The following UBR4 variants were observed in gnomAD, a reference collection of about 807,000 sequenced individuals.
UBR4 encodes the protein E3 ubiquitin-protein ligase UBR4.
UBR4 carries 124 observed loss-of-function variants against 575.6 expected under a neutral mutation model. The ratio of observed to expected loss-of-function variants is 0.22; its 90% CI spans 0.19 to 0.25. UBR4 has a LOEUF of 0.25. UBR4 is among the 10% of genes least tolerant of loss of function. The probability of loss-of-function intolerance (pLI) is 1.00; values close to 1 mark genes in which losing one functional copy is unlikely to be tolerated. For synonymous variants in UBR4, 2,455 were observed against 2,473.7 expected, an observed-to-expected ratio of 0.99 and a Z score of 0.22; for missense variants, 4,818 against 6,478.8, an observed-to-expected ratio of 0.74 and a Z score of 8.80.
chr1:19,077,875 CGGA>C (rs1449192664), intron 104 of UBR4, 98 bp downstream of exon 104: 9 of 1,596,944 alleles, frequency 5.6e-6, no homozygotes, highest in Non-Finnish European at 6.8e-6. Flanking sequence ...CCAGGCCCAG[CGGA>C]GGAGCAGCCA....
intron 1 of UBR4, among the ~76,000 whole-genome samples, chr1:19,202,622 G>A (rs1333035341): frequency 2.0e-5 from 3 of 151,984 alleles, no homozygotes; most frequent in Admixed American, 6.5e-5. Flanking sequence ...AGACTAAAGC[G>A]AGATCACAAA....
At chr1:19,134,599 T>C (rs1361901128) in intron 60 of UBR4, among the ~76,000 whole-genome samples, 3 of 152,310 alleles carry the variant, frequency 2.0e-5, no homozygotes, top group Middle Eastern at 3.4e-3. Context: ...CAAGATGTTC[T>C]GAAGGCAACT....
Position 19,197,934 on chromosome 1 carries a change from T to A in UBR4, c.751+13A>T. 1.2e-6 allele frequency: 2 copies of A among 1,613,984 alleles called. No individual in the cohort carries two copies. The highest frequency in any genetic ancestry group is 1.7e-6 in the Non-Finnish European group (2 of 1,179,952). ...CCAGAAATCAGCTTTCTGATAACAG[T>A]TGGGAGTCTTACCAAGCTCTTGAAG... On this transcript the variant is annotated intron_variant, in intron 6 of 105. Coordinates refer to ENST00000375254, the MANE Select transcript of UBR4 (RefSeq NM_020765.3).
chr1:19,119,493 T>C, intron 70 of UBR4, 64 bp downstream of exon 70: 2 of 1,577,312 alleles, frequency 1.3e-6, no homozygotes, highest in South Asian at 1.1e-5. Context: ...ATAATATTCT[T>C]AACTCAAGAG....
chr1:19,091,804 ACT>A (rs2077538548), intron 97 of UBR4, among the ~76,000 whole-genome samples: 1 of 152,206 alleles, frequency 6.6e-6, no homozygotes, highest in African/African-American at 2.4e-5. Flanking sequence ...CAGCAACTGC[ACT>A]CTTGGGCATT....
At chr1:19,078,352 G>A (rs539721782) in intron 103 of UBR4, 44 of 319,936 alleles carry the variant, frequency 1.4e-4, no homozygotes, top group South Asian at 9.0e-4. Flanking sequence ...CATCGCCAGG[G>A]CAGACGTGGC....
chr1:19,141,214 G>A, intron 57 of UBR4, 133 bp downstream of exon 57: 2 of 1,240,542 alleles, frequency 1.6e-6, no homozygotes, highest in Non-Finnish European at 2.2e-6. Context: ...CTGTATCTCT[G>A]AACAGCTCTC....
rs2086530725 is a variant in UBR4, at chr1:19,156,879, C to T, written c.5807G>A (p.Ser1936Asn). 6.2e-7 allele frequency: 1 copy of T among 1,614,142 alleles called. No homozygotes were observed. Among genetic ancestry groups the T allele is most frequent in the Non-Finnish European group, 8.5e-7 (1 of 1,180,008 alleles). The change falls in exon 41 of 106, where the codon AGC becomes AAC. Residue 1936 changes from serine (S) to asparagine (N), a missense_variant. Coordinates refer to ENST00000375254, the MANE Select transcript of UBR4 (RefSeq NM_020765.3). The part of the protein sequence containing the change: ...LSALLKQADS[S>N]KRKLTLTRLA... ...GCGGGTCAGAGTTAACTTCCTTTTGCTGGAATCTGCTTGCTTCAGGAGTGC... is the reference window on the plus strand; with the variant it reads ...GCGGGTCAGAGTTAACTTCCTTTTGTTGGAATCTGCTTGCTTCAGGAGTGC...
At chr1:19,185,016 A>G in intron 15 of UBR4, 83 bp downstream of exon 15, 1 of 1,547,086 alleles carries the variant, frequency 6.5e-7, no homozygotes, top group Non-Finnish European at 8.9e-7. Context: ...CAAGCCACAA[A>G]ATGTTTGCAT....
chr1:19,077,571 T>TA (rs774236410), intron 104 of UBR4, among the ~76,000 whole-genome samples: 8 of 152,078 alleles, frequency 5.3e-5, no homozygotes, highest in Non-Finnish European at 1.0e-4. Context: ...TCATCTCTAC[T>TA]AAAAAAACAA....
At chr1:19,095,107 C>T (rs1388006593) in intron 93 of UBR4, 82 bp from the exon 94 acceptor site, 2 of 1,599,218 alleles carry the variant, frequency 1.3e-6, no homozygotes, top group African/African-American at 1.3e-5. Context: ...CAAGGATGCC[C>T]TCACAGCCTT....
intron 8 of UBR4, 126 bp from the exon 9 acceptor site, chr1:19,193,683 A>C: frequency 7.9e-7 from 1 of 1,270,966 alleles, no homozygotes; most frequent in Non-Finnish European, 1.1e-6. Context: ...AAATGCCATT[A>C]AGAGCAAGAC....
At position 19,100,912 on chromosome 1, in the gene UBR4, G is replaced by A. The variant is rs1232329385; in HGVS notation, c.13024-339C>T. On this transcript the variant is annotated intron_variant, in intron 88 of 105. Coordinates refer to ENST00000375254, the MANE Select transcript of UBR4 (RefSeq NM_020765.3). The surrounding 1 kb of genome is among the most constrained non-coding windows in gnomAD (Gnocchi z 4.2). ...TCCTTCCTCCTCCTGCTGGTCTCAT[G>A]TGATGCTAACCAATTTGGGGCCAGA... 6.6e-6 allele frequency among the ~76,000 whole-genome samples: 1 copy of A among 152,072 alleles called. No homozygotes were observed. Among genetic ancestry groups the A allele is most frequent in the Non-Finnish European group, 1.5e-5 (1 of 68,020 alleles).
In UBR4 at chr1:19,138,087, G is replaced by A. The variant is rs2149890858; in HGVS notation, c.8826C>T (p.Thr2942=). 2 of 1,598,220 alleles carry A rather than the reference G, an allele frequency of 1.3e-6. No homozygotes were observed. The highest frequency in any genetic ancestry group is 1.7e-6 in the Non-Finnish European group (2 of 1,170,914). Residue 2942 remains threonine, a synonymous_variant, in exon 60 of 106, where the codon ACC becomes ACT. Coordinates refer to ENST00000375254, the MANE Select transcript of UBR4 (RefSeq NM_020765.3). ...CATCTCCCTCCTGGTGCCCAGTGGTGGTGCTGATGGCTCCAGTGCTTGAGC... is the reference window on the plus strand; with the variant it reads ...CATCTCCCTCCTGGTGCCCAGTGGTAGTGCTGATGGCTCCAGTGCTTGAGC... ...SVSSSTGAIS[T]TTGHQEGDGS...
At chr1:19,150,530 G>A (rs771678617) in intron 49 of UBR4, 47 bp downstream of exon 49, 1 of 1,588,758 alleles carries the variant, frequency 6.3e-7, no homozygotes. Context: ...GTTCTGCAGT[G>A]AGTGGAATAT....
At chr1:19,148,161 C>T in intron 50 of UBR4, 34 bp from the exon 51 acceptor site, 1 of 1,582,980 alleles carries the variant, frequency 6.3e-7, no homozygotes, top group Non-Finnish European at 8.6e-7. Context: ...ATCACTAACC[C>T]CACCAACTCA....
intron 32 of UBR4, 133 bp downstream of exon 32, chr1:19,164,665 TC>T (rs2150648370): frequency 7.9e-7 from 1 of 1,261,700 alleles, no homozygotes; most frequent in East Asian, 2.4e-5. Context: ...TACACTAGAA[TC>T]CTTGAGTCTA....
At chr1:19,081,246 G>A in intron 103 of UBR4, 103 bp downstream of exon 103, 1 of 1,033,182 alleles carries the variant, frequency 9.7e-7, no homozygotes, top group Non-Finnish European at 1.4e-6. Flanking sequence ...AACCACCGCA[G>A]TCACAAAGCA....
In UBR4 at chr1:19,161,675, C is replaced by A; in HGVS notation, c.5089G>T (p.Val1697Leu). The A allele has an allele frequency of 6.2e-7, 1 of 1,614,082 alleles. No individual in the cohort carries two copies. Among genetic ancestry groups the A allele is most frequent in the Non-Finnish European group, 8.5e-7 (1 of 1,179,964 alleles). ...GAAATCTCATGATCCTTGTGGCACA[C>A]CTTAGCACACACTGTGCAGACACCC... ...GVGVCTVCAK[V>L]CHKDHEISYA... Residue 1697 changes from valine (V) to leucine (L), a missense_variant, in exon 37 of 106, where the codon GTG becomes TTG. Val to Leu is a conservative substitution (Grantham distance 32, BLOSUM62 1). Coordinates refer to ENST00000375254, the MANE Select transcript of UBR4 (RefSeq NM_020765.3).
Sources: allele counts gnomAD v4.1 joint callset (sites outside exome capture counted in the v4.1 genomes callset), GRCh38; gene constraint gnomAD v4.1.1; non-coding constraint Gnocchi (gnomAD v3.1); transcripts MANE v1.5; gene names NCBI Gene and HGNC (gene_info 2026-07-23, HGNC 2026-07-21).